The following ACOX3 variants were observed in gnomAD, a reference collection of about 807,000 sequenced individuals.
ACOX3 encodes peroxisomal acyl-coenzyme A oxidase 3.
Under a neutral mutation model 81.5 loss-of-function variants are expected in ACOX3, and 73 were observed. The ratio of observed to expected loss-of-function variants is 0.90; its 90% CI spans 0.74 to 1.09. The LOEUF is 1.09. ACOX3 is among the 50% of genes least tolerant of loss of function. The probability of loss-of-function intolerance (pLI) is 0.00; values close to 1 mark genes in which losing one functional copy is unlikely to be tolerated. For missense variants in ACOX3, 947 were observed against 928.0 expected (o/e 1.02, Z -0.27); for synonymous variants, 387 against 375.1 (o/e 1.03, Z -0.37).
At chr4:8,404,735 C>T (rs1321433366) in intron 7 of ACOX3, among the ~76,000 whole-genome samples, 2 of 152,212 alleles carry the variant, frequency 1.3e-5, no homozygotes, top group African/African-American at 2.4e-5. Context: ...ATTTCCAACT[C>T]CTGTAAGGCA....
At chr4:8,410,164 T>C (rs748097515) in intron 6 of ACOX3, 48 bp downstream of exon 6, 3 of 1,586,210 alleles carry the variant, frequency 1.9e-6, no homozygotes, top group Non-Finnish European at 2.6e-6. Flanking sequence ...TACCAGTGCT[T>C]CCTGGGGGTA....
At position 8,400,224 on chromosome 4, in the gene ACOX3, C is replaced by A. The variant is rs1331284162; in HGVS notation, c.777-572G>T. Reference sequence around the variant, plus strand: ...CAAGATCACGCCACTGCACTCCAGCCTTGGTGACAGAGCAAGACTCCACCT... The same window carrying A: ...CAAGATCACGCCACTGCACTCCAGCATTGGTGACAGAGCAAGACTCCACCT... On this transcript the variant is annotated intron_variant, in intron 7 of 17. Coordinates refer to ENST00000356406, the MANE Select transcript of ACOX3 (RefSeq NM_003501.3). The surrounding 1 kb of genome is among the most constrained non-coding windows in gnomAD (Gnocchi z 4.4). 6.7e-6 allele frequency among the ~76,000 whole-genome samples: 1 copy of A among 150,242 alleles called. No individual in the cohort carries two copies. The highest frequency in any genetic ancestry group is 2.5e-5 in the African/African-American group (1 of 40,480).
intron 7 of ACOX3, among the ~76,000 whole-genome samples, chr4:8,402,914 G>C (rs531355704): frequency 6.6e-6 from 1 of 152,178 alleles, no homozygotes; most frequent in Non-Finnish European, 1.5e-5. Context: ...TTGGGGCCTG[G>C]AAGGGCCCCC....
chr4:8,412,044 T>C (rs984418325), intron 5 of ACOX3, among the ~76,000 whole-genome samples: 2 of 152,210 alleles, frequency 1.3e-5, no homozygotes, highest in Non-Finnish European at 2.9e-5. Flanking sequence ...ACCCCAAGGC[T>C]ACCTGGGTGC....
At chr4:8,417,232 T>C (rs1021974610) in intron 1 of ACOX3, among the ~76,000 whole-genome samples, 2 of 152,246 alleles carry the variant, frequency 1.3e-5, no homozygotes, top group Non-Finnish European at 2.9e-5. Flanking sequence ...TGAACCCAAG[T>C]CTGTCTGAGT....
chr4:8,401,864 C>G (rs994622956), intron 7 of ACOX3, among the ~76,000 whole-genome samples: 5 of 152,216 alleles, frequency 3.3e-5, no homozygotes, highest in Non-Finnish European at 1.5e-5. Flanking sequence ...CAGCCCTCGG[C>G]CCACCTGGGA....
rs1450036382 is a variant in ACOX3 at position 8,405,429 on chromosome 4, T to G, written c.776+526A>C. ...CCAGGCCTTGGCCACACCAACCCGGTGTCACATGTGTGCTGCTAAATAGAT... is the reference window on the plus strand; with the variant it reads ...CCAGGCCTTGGCCACACCAACCCGGGGTCACATGTGTGCTGCTAAATAGAT... On this transcript the variant is annotated intron_variant, in intron 7 of 17. Transcript: ENST00000356406. This position sits in a 1 kb window ranked among gnomAD's most constrained non-coding sequence, Gnocchi z 7.1. 6.6e-6 allele frequency among the ~76,000 whole-genome samples: 1 copy of G among 152,180 alleles called. No homozygotes were observed. Among genetic ancestry groups the G allele is most frequent in the Non-Finnish European group, 1.5e-5 (1 of 68,030 alleles).
rs1390456588 is a variant in ACOX3 at position 8,416,338 on chromosome 4, C to T, written c.144+40G>A. On this transcript the variant is annotated intron_variant, in intron 2 of 17. Transcript: ENST00000356406. The surrounding 1 kb of genome is among the most constrained non-coding windows in gnomAD (Gnocchi z 4.2). ...ATTCTGCTAACGAACTAAGACCCCA[C>T]TGGGAAAAAAGACAAGCTGCGCACA... 2.5e-6 allele frequency: 4 copies of T among 1,613,652 alleles called. No individual in the cohort carries two copies. The highest frequency in any genetic ancestry group is 1.3e-5 in the African/African-American group (1 of 75,026).
Position 8,382,439 on chromosome 4 carries a change from C to T in ACOX3, c.1538-832G>A, listed in dbSNP as rs115494035. ...CGGGCCCAGGGACCCAGGTACATGG[C>T]GAGCATGTGAGGGAGGGGTGCAGAC... On this transcript the variant is annotated intron_variant, in intron 13 of 17. Coordinates refer to ENST00000356406, the MANE Select transcript of ACOX3 (RefSeq NM_003501.3). This position sits in a 1 kb window ranked among gnomAD's most constrained non-coding sequence, Gnocchi z 4.1. Among the ~76,000 whole-genome samples, 1,053 of 152,274 alleles carry T rather than the reference C, an allele frequency of 6.9e-3. 13 individuals carry two copies. Among genetic ancestry groups the T allele is most frequent in the African/African-American group, 0.024 (1,002 of 41,562 alleles).
chr4:8,427,279 G>C (rs561930866), intron 1 of ACOX3, among the ~76,000 whole-genome samples: 4 of 152,320 alleles, frequency 2.6e-5, no homozygotes, highest in Admixed American at 6.5e-5. Context: ...AAGCCGAATC[G>C]GGCAACCCTC....
rs2109055623 is a variant in ACOX3 at position 8,437,196 on chromosome 4, C to T, written c.-15+3452G>A. ...AAAGCAAGCCCAGGGTAACATCAAGCAGAAGCTACAGGCATGAATATCACC... is the reference window on the plus strand; with the variant it reads ...AAAGCAAGCCCAGGGTAACATCAAGTAGAAGCTACAGGCATGAATATCACC... On this transcript the variant is annotated intron_variant, in intron 1 of 17. Coordinates refer to ENST00000356406, the MANE Select transcript of ACOX3 (RefSeq NM_003501.3). This position sits in a 1 kb window ranked among gnomAD's most constrained non-coding sequence, Gnocchi z 5.2. Among the ~76,000 whole-genome samples, 1 of 149,042 alleles carries T rather than the reference C, an allele frequency of 6.7e-6. No homozygotes were observed. The highest frequency in any genetic ancestry group is 2.0e-4 in the East Asian group (1 of 5,034).
In ACOX3 at chr4:8,399,347, C is replaced by T. The variant is rs535901993; in HGVS notation, c.873+209G>A. 9.2e-5 allele frequency among the ~76,000 whole-genome samples: 14 copies of T among 152,198 alleles called. No individual in the cohort carries two copies. The highest frequency in any genetic ancestry group is 3.4e-4 in the African/African-American group (14 of 41,438). ...GGCATTGTAAGGCCCGGACTCACCC[C>T]CTGGACACCAGCACCTGGTGCTGTG... is the stretch of plus-strand genomic sequence containing the variant. On this transcript the variant is annotated intron_variant, in intron 8 of 17. Coordinates refer to ENST00000356406, the MANE Select transcript of ACOX3 (RefSeq NM_003501.3). The surrounding 1 kb of genome is among the most constrained non-coding windows in gnomAD (Gnocchi z 4.9).
intron 1 of ACOX3, among the ~76,000 whole-genome samples, chr4:8,426,380 G>A (rs542626809): frequency 5.3e-5 from 8 of 151,986 alleles, no homozygotes; most frequent in East Asian, 3.9e-4. Flanking sequence ...CCTGGATACC[G>A]CCAAAGGAAC....
At chr4:8,425,262 T>A (rs1018695087) in intron 1 of ACOX3, among the ~76,000 whole-genome samples, 1 of 152,014 alleles carries the variant, frequency 6.6e-6, no homozygotes, top group Non-Finnish European at 1.5e-5. Flanking sequence ...GGTGGGACCC[T>A]CCATTAGAAA....
intron 11 of ACOX3, among the ~76,000 whole-genome samples, chr4:8,390,439 C>A (rs1718852118): frequency 6.6e-6 from 1 of 152,210 alleles, no homozygotes; most frequent in South Asian, 2.1e-4. Flanking sequence ...TGTCAGCAAG[C>A]CCTGCAGAGC....
chr4:8,392,550 T>G (rs919904519), intron 10 of ACOX3, 97 bp from the exon 11 acceptor site: 2 of 1,316,660 alleles, frequency 1.5e-6, no homozygotes, highest in Non-Finnish European at 2.0e-6. Flanking sequence ...ATATCACCTC[T>G]AGTCTAATAC....
At chr4:8,360,534 C>T in the ACOX3 span, among the ~76,000 whole-genome samples, 743 of 149,918 alleles carry the variant, frequency 5.0e-3, 1 homozygote, top group Non-Finnish European at 8.7e-3. Flanking sequence ...GGCAGTGGTG[C>T]GATCTCGGCT....
chr4:8,393,490 AAAAC>A lies in ACOX3; in HGVS notation c.1180-1041_1180-1038del, dbSNP rs138758419. Among the ~76,000 whole-genome samples the A allele has an allele frequency of 2.3e-3, 297 of 130,572 alleles. 5 individuals carry two copies. Among genetic ancestry groups the A allele is most frequent in the African/African-American group, 8.7e-3 (265 of 30,404 alleles). The allele number at this position is 130,572 out of a possible 152,430, so 85.7% of individuals were successfully genotyped here. A position where few individuals can be genotyped will look rare whatever the true frequency, so the allele number is the denominator to read the frequency against. ...GGCAACAGAGCGAGACTCCGTCTCA[AAAAC>A]AAACAAACAAACAAACAAACAAAAA... is the stretch of plus-strand genomic sequence containing the variant. On this transcript the variant is annotated intron_variant, in intron 10 of 17. Coordinates refer to ENST00000356406, the MANE Select transcript of ACOX3 (RefSeq NM_003501.3).
At chr4:8,379,623 A>G (rs1247558436) in intron 14 of ACOX3, among the ~76,000 whole-genome samples, 1 of 152,140 alleles carries the variant, frequency 6.6e-6, no homozygotes, top group Non-Finnish European at 1.5e-5. Context: ...GGGGTCACAC[A>G]TGCCAGGTCC....
Sources: allele counts gnomAD v4.1 joint callset (sites outside exome capture counted in the v4.1 genomes callset), GRCh38; gene constraint gnomAD v4.1.1; non-coding constraint Gnocchi (gnomAD v3.1); transcripts MANE v1.5; gene names NCBI Gene and HGNC (gene_info 2026-07-23, HGNC 2026-07-21).